COL12A1: variants seen among roughly 807,000 people sequenced by gnomAD.
COL12A1 encodes collagen type XII alpha 1 chain, also known as collagen alpha-1(XII) chain.
COL12A1 carries 114 observed loss-of-function variants against 349.7 expected under a neutral mutation model. That is an observed-to-expected ratio of 0.33 (90% CI 0.28 to 0.38). The LOEUF (loss-of-function observed/expected upper bound fraction) is 0.38, where lower values mean the gene tolerates loss of function less well. Among genes scored for constraint, COL12A1 ranks in the 10% least tolerant of loss-of-function variants. The pLI, the probability that COL12A1 is intolerant of heterozygous loss-of-function variation, is 1.00. For synonymous variants in COL12A1, 1,369 were observed against 1,329.0 expected (o/e 1.03, Z -0.66); for missense variants, 3,284 against 3,756.9 (o/e 0.87, Z 3.29).
chr6:75,145,983 A>G, intron 24 of COL12A1, 119 bp downstream of exon 24: 1 of 1,154,540 alleles, frequency 8.7e-7, no homozygotes, highest in East Asian at 2.6e-5. Context: ...CTACTTTTCT[A>G]TTTTTCCATT....
intron 55 of COL12A1, among the ~76,000 whole-genome samples, chr6:75,103,405 G>A (rs957381149): frequency 2.0e-5 from 3 of 152,156 alleles, no homozygotes; most frequent in Non-Finnish European, 4.4e-5. Context: ...GGTGAAAAAA[G>A]CAGCAGCAGT....
chr6:75,182,078 A>G (rs1769336273), intron 10 of COL12A1, among the ~76,000 whole-genome samples: 1 of 145,466 alleles, frequency 6.9e-6, no homozygotes, highest in Non-Finnish European at 1.5e-5. Context: ...CCTGGGTGAC[A>G]GAGTGAGACC....
chr6:75,105,420 T>C, intron 53 of COL12A1, 128 bp from the exon 54 acceptor site: 1 of 674,396 alleles, frequency 1.5e-6, no homozygotes, highest in Non-Finnish European at 2.6e-6. Flanking sequence ...ATTATCATTA[T>C]GAATAGTCTT....
chr6:75,177,300 A>G (rs926651871), intron 12 of COL12A1, among the ~76,000 whole-genome samples: 5 of 152,012 alleles, frequency 3.3e-5, no homozygotes, highest in African/African-American at 4.8e-5. Flanking sequence ...AGCTGGGTGT[A>G]GTTGCACGCG....
intron 15 of COL12A1, 110 bp from the exon 16 acceptor site, chr6:75,155,964 T>C: frequency 2.8e-6 from 3 of 1,090,106 alleles, no homozygotes; most frequent in Non-Finnish European, 3.8e-6. Context: ...TTAAGTCCGG[T>C]AGCACAAAAT....
intron 23 of COL12A1, 155 bp from the exon 24 acceptor site, chr6:75,146,399 C>CA (rs1332876214): frequency 9.1e-6 from 7 of 768,150 alleles, no homozygotes; most frequent in Non-Finnish European, 1.3e-5. Flanking sequence ...CCCATTGCCC[C>CA]AAAAAATCCA....
chr6:75,151,372 T>C, intron 20 of COL12A1, 85 bp from the exon 21 acceptor site: 1 of 1,322,040 alleles, frequency 7.6e-7, no homozygotes, highest in Non-Finnish European at 1.0e-6. Flanking sequence ...GCTTTCTTAA[T>C]TCATGGCTGC....
intron 50 of COL12A1, 38 bp from the exon 51 acceptor site, chr6:75,113,351 T>C (rs779272967): frequency 7.9e-7 from 1 of 1,261,626 alleles, no homozygotes; most frequent in South Asian, 1.5e-5. Flanking sequence ...ATCATATGCA[T>C]TGTATAATTT....
intron 21 of COL12A1, among the ~76,000 whole-genome samples, chr6:75,150,908 T>A (rs1331598385): frequency 6.6e-6 from 1 of 152,044 alleles, no homozygotes; most frequent in Non-Finnish European, 1.5e-5. Flanking sequence ...ACTAATGCAG[T>A]GATTCTCAAC....
At chr6:75,198,847 A>G (rs1483084553) in intron 2 of COL12A1, among the ~76,000 whole-genome samples, 3 of 152,214 alleles carry the variant, frequency 2.0e-5, no homozygotes, top group Non-Finnish European at 4.4e-5. Flanking sequence ...TGAACTACTA[A>G]GATCTTTAGT....
rs1003584679 is a variant in COL12A1, at chr6:75,134,790, A to T, written c.5460T>A (p.Thr1820=). 6.8e-6 allele frequency: 11 copies of T among 1,613,176 alleles called. No homozygotes were observed. The highest frequency in any genetic ancestry group is 1.3e-5 in the African/African-American group (1 of 74,980). Residue 1820 remains threonine, a synonymous_variant, in exon 32 of 66, where the codon ACT becomes ACA. Coordinates refer to ENST00000322507, the MANE Select transcript of COL12A1 (RefSeq NM_004370.6). ...CAGGATACAGAGAGGATACGGTGATAGTGTAAGGAGTGTCTGGCTTCAGTT... is the reference window on the plus strand; with the variant it reads ...CAGGATACAGAGAGGATACGGTGATTGTGTAAGGAGTGTCTGGCTTCAGTT... The part of the protein sequence containing the change: ...LQKLKPDTPY[T]ITVSSLYPDG...
intron 31 of COL12A1, among the ~76,000 whole-genome samples, chr6:75,135,601 G>T (rs79516185): frequency 1.3e-5 from 2 of 152,086 alleles, no homozygotes; most frequent in East Asian, 3.9e-4. Flanking sequence ...AATTAAAATC[G>T]CATGAAAATG....
At chr6:75,098,994 A>C (rs757382596) in intron 58 of COL12A1, among the ~76,000 whole-genome samples, 15 of 152,228 alleles carry the variant, frequency 9.9e-5, no homozygotes, top group Non-Finnish European at 2.1e-4. Context: ...TTTCTGAGTC[A>C]GGTCATTTTT....
chr6:75,156,764 A>T (rs1767791090), intron 14 of COL12A1, among the ~76,000 whole-genome samples: 1 of 152,170 alleles, frequency 6.6e-6, no homozygotes, highest in African/African-American at 2.4e-5. Flanking sequence ...TATTGCAGAG[A>T]TTTCCTATTT....
chr6:75,124,217 C>G (rs573491497), intron 41 of COL12A1, 38 bp downstream of exon 41: 2 of 1,600,402 alleles, frequency 1.2e-6, no homozygotes, highest in Non-Finnish European at 1.7e-6. Flanking sequence ...GTTTCCACTA[C>G]ATGCTCCAGA....
In COL12A1 at chr6:75,106,401, C is replaced by A; in HGVS notation, c.8178+18G>T. On this transcript the variant is annotated intron_variant, in intron 53 of 65. Coordinates refer to ENST00000322507, the MANE Select transcript of COL12A1 (RefSeq NM_004370.6). ...GGACTGTTAAAGCCATGGCAGAATT[C>A]AATTCTGTTTTACTTACCCTAGAGG... The A allele has an allele frequency of 6.2e-7, 1 of 1,604,412 alleles. No individual in the cohort carries two copies. Among genetic ancestry groups the A allele is most frequent in the South Asian group, 1.1e-5 (1 of 90,772 alleles).
Position 75,189,739 on chromosome 6 carries a change from C to T in COL12A1, c.471G>A (p.Lys157=), listed in dbSNP as rs1769829658. The change falls in exon 6 of 66, where the codon AAG becomes AAA. Residue 157 remains lysine (K), a synonymous_variant. Coordinates refer to ENST00000322507, the MANE Select transcript of COL12A1 (RefSeq NM_004370.6). ...GSWSVGRNNF[K]YILDFIAALV... ...GAGCAGCAATGAAGTCTAAAATGTA[C>T]TTGAAATTATTTCTTCCCACACTCC... The T allele has an allele frequency of 6.2e-7, 1 of 1,613,150 alleles. No homozygotes were observed. Among genetic ancestry groups the T allele is most frequent in the Admixed American group, 1.7e-5 (1 of 59,904 alleles).
At chr6:75,156,218 A>C in intron 15 of COL12A1, 39 bp downstream of exon 15, 6 of 1,552,908 alleles carry the variant, frequency 3.9e-6, no homozygotes, top group African/African-American at 1.4e-5. Context: ...TTAAAACATT[A>C]CCTTCTCTCC....
At chr6:75,089,959 A>G in intron 63 of COL12A1, 151 bp downstream of exon 63, 4 of 699,928 alleles carry the variant, frequency 5.7e-6, no homozygotes, top group Non-Finnish European at 9.8e-6. Flanking sequence ...TCTATGGCCT[A>G]TGAGTTGCCT....
Sources: allele counts gnomAD v4.1 joint callset (sites outside exome capture counted in the v4.1 genomes callset), GRCh38; gene constraint gnomAD v4.1.1; transcripts MANE v1.5; gene names NCBI Gene and HGNC (gene_info 2026-07-23, HGNC 2026-07-21).